Variants in ABCG2 observed in about 807,000 individuals in gnomAD.
ABCG2 encodes broad substrate specificity ATP-binding cassette transporter ABCG2.
ABCG2 carries 80 observed loss-of-function variants against 73.5 expected under a neutral mutation model. The observed-to-expected ratio is 1.09, with a 90% confidence interval of 0.91 to 1.31. The LOEUF (loss-of-function observed/expected upper bound fraction) is 1.31. ABCG2 is among the 50% of genes most tolerant of loss of function. ABCG2 has a pLI of 0.00. For missense variants in ABCG2, 796 were observed against 786.2 expected (o/e 1.01, Z -0.15); for synonymous variants, 269 against 282.4 (o/e 0.95, Z 0.48).
At chr4:88,182,937 T>C (rs1728314305) in intron 1 of ABCG2, among the ~76,000 whole-genome samples, 1 of 151,568 alleles carries the variant, frequency 6.6e-6, no homozygotes, top group Admixed American at 6.6e-5. Flanking sequence ...TACAAAAAAT[T>C]AGCTGGGCAT....
At chr4:88,134,010 AG>A (rs200576598) in intron 2 of ABCG2, among the ~76,000 whole-genome samples, 1,751 of 148,548 alleles carry the variant, frequency 0.012, 30 homozygotes, top group African/African-American at 0.036. Context: ...AAAAAAAAAA[AG>A]AAGAAGAAGA....
rs899734227 is a variant in ABCG2, at chr4:88,096,928, C to T, written c.1647+525G>A. Among the ~76,000 whole-genome samples, 11 of 152,092 alleles carry T rather than the reference C, an allele frequency of 7.2e-5. 1 individual carries two copies. Among genetic ancestry groups the T allele is most frequent in the Non-Finnish European group, 1.5e-4 (10 of 68,008 alleles). ...ATACTCTGTTCTGCTTCTTATGAGG[C>T]TTAATATGTGTCTTGGAAAACAGTA... On this transcript the variant is annotated intron_variant, in intron 13 of 15. Coordinates refer to ENST00000237612, the MANE Select transcript of ABCG2 (RefSeq NM_004827.3).
At chr4:88,223,940 T>G (rs925685877) in intron 1 of ABCG2, 3 of 152,156 alleles carry the variant, frequency 2.0e-5, no homozygotes, top group Admixed American at 1.3e-4. Flanking sequence ...TGGGTTGACC[T>G]GTATTTCCCT....
Position 88,091,850 on chromosome 4 carries a change from G to A in ABCG2, c.*384C>T, listed in dbSNP as rs992663134. ...ATTTATTAAATAATGGCAAACCATAGCATCATAAAGTATTAAGACTGAAGG... is the reference window on the plus strand; with the variant it reads ...ATTTATTAAATAATGGCAAACCATAACATCATAAAGTATTAAGACTGAAGG... On this transcript the variant is annotated 3_prime_UTR_variant, in exon 16 of 16. Transcript: ENST00000237612. The A allele has an allele frequency of 6.2e-6, 1 of 160,612 alleles. No individual in the cohort carries two copies. The highest frequency in any genetic ancestry group is 1.4e-5 in the Non-Finnish European group (1 of 73,430). 9.9% of individuals were successfully genotyped at this position (160,612 alleles called of 1,614,324 possible).
intron 1 of ABCG2, among the ~76,000 whole-genome samples, chr4:88,202,733 C>A (rs1279317003): frequency 1.3e-5 from 2 of 151,934 alleles, no homozygotes; most frequent in Non-Finnish European, 2.9e-5. Context: ...GTAGTACACA[C>A]CTGTAATCCT....
intron 1 of ABCG2, among the ~76,000 whole-genome samples, chr4:88,221,377 C>G (rs572269556): frequency 6.6e-6 from 1 of 152,274 alleles, no homozygotes; most frequent in Non-Finnish European, 1.5e-5. Context: ...GAGTGGGTTG[C>G]TGCTATAAGG....
At chr4:88,183,806 AT>A (rs932314163) in intron 1 of ABCG2, among the ~76,000 whole-genome samples, 19 of 152,162 alleles carry the variant, frequency 1.2e-4, no homozygotes, top group African/African-American at 4.1e-4. Context: ...TGATGAAAAA[AT>A]CCTTAACAAA....
At chr4:88,163,368 G>T (rs28393879), upstream of ABCG2, among the ~76,000 whole-genome samples, 961 of 152,268 alleles carry the variant, frequency 6.3e-3, 11 homozygotes, top group African/African-American at 0.022. Context: ...CTATCTTAGG[G>T]TTCAGAGAAA....
rs183040957 is a variant in ABCG2 at position 88,104,375 on chromosome 4, T to G, written c.1277+2809A>C. Among the ~76,000 whole-genome samples, 11 of 152,312 alleles carry G rather than the reference T, an allele frequency of 7.2e-5. No individual in the cohort carries two copies. In the East Asian group the frequency reaches 1.7e-3, roughly 24 times the overall value. ...CCTGAACAAAACTTTGAGAACCTGT[T>G]TCCAGAGATGATGCTGAAACATTTT... On this transcript the variant is annotated intron_variant, in intron 10 of 15. Coordinates refer to ENST00000237612, the MANE Select transcript of ABCG2 (RefSeq NM_004827.3).
chr4:88,180,081 G>T (rs1230962032), intron 1 of ABCG2, among the ~76,000 whole-genome samples: 1 of 151,736 alleles, frequency 6.6e-6, no homozygotes, highest in African/African-American at 2.4e-5. Context: ...AGTAAAAGGG[G>T]GTTACAGAAC....
intron 13 of ABCG2, 40 bp downstream of exon 13, chr4:88,097,413 A>G (rs2231157): frequency 0.44 from 701,083 of 1,594,046 alleles, 160,166 homozygotes; most frequent in Middle Eastern, 0.54. Flanking sequence ...ATGAAGGAAA[A>G]AAACAATTCC....
intron 2 of ABCG2, among the ~76,000 whole-genome samples, chr4:88,137,011 T>TAAATAAAATAAAATA (rs1293625233): frequency 1.7e-4 from 10 of 59,964 alleles, no homozygotes; most frequent in Non-Finnish European, 4.5e-4. Flanking sequence ...AACCTCCATC[T>TAAATAAAATAAAATA]CAATAAAATA....
intron 1 of ABCG2, among the ~76,000 whole-genome samples, chr4:88,211,357 T>TCCC (rs1560460419): frequency 2.6e-3 from 49 of 18,880 alleles, no homozygotes; most frequent in Non-Finnish European, 4.7e-3. Context: ...GTTCAACCCC[T>TCCC]GCCCCACCCC....
At chr4:88,097,266 G>A (rs1024804366) in intron 13 of ABCG2, among the ~76,000 whole-genome samples, 187 bp downstream of exon 13, 1 of 152,274 alleles carries the variant, frequency 6.6e-6, no homozygotes, top group East Asian at 1.9e-4. Flanking sequence ...AGCAAAAAAG[G>A]TTGGATAAGG....
chr4:88,137,723 G>A (rs969460774), intron 2 of ABCG2, among the ~76,000 whole-genome samples: 1 of 152,192 alleles, frequency 6.6e-6, no homozygotes, highest in African/African-American at 2.4e-5. Flanking sequence ...GAAGCACCAT[G>A]TGGACAGCCT....
At chr4:88,134,582 C>T (rs974902721) in intron 2 of ABCG2, among the ~76,000 whole-genome samples, 2 of 152,178 alleles carry the variant, frequency 1.3e-5, no homozygotes, top group Admixed American at 1.3e-4. Context: ...CCTCTAAAAT[C>T]ACCATAAGCT....
intron 1 of ABCG2, among the ~76,000 whole-genome samples, chr4:88,187,670 A>T (rs899339331): frequency 1.3e-5 from 2 of 152,208 alleles, no homozygotes; most frequent in Admixed American, 1.3e-4. Context: ...ATTTATCCTG[A>T]TGTGATTATT....
intron 5 of ABCG2, among the ~76,000 whole-genome samples, chr4:88,125,616 A>C (rs1724348667): frequency 6.8e-6 from 1 of 147,508 alleles, no homozygotes; most frequent in Non-Finnish European, 1.5e-5. Flanking sequence ...TCAAAAAAAA[A>C]AAAAAAAAAA....
rs186893092 is a variant in ABCG2 at position 88,211,030 on chromosome 4, C to T, written c.-20+19964G>A. On this transcript the variant is annotated intron_variant, in intron 1 of 15. Transcript: ENST00000515655. Reference sequence around the variant, plus strand: ...AACTCGAGGCTGTAGTGCCCTGTGACTGCACCAGGGATTAACCACTGCACT... The same window carrying T: ...AACTCGAGGCTGTAGTGCCCTGTGATTGCACCAGGGATTAACCACTGCACT... Among the ~76,000 whole-genome samples, 146 of 151,960 alleles carry T rather than the reference C, an allele frequency of 9.6e-4. 1 individual carries two copies. The highest frequency in any genetic ancestry group is 3.4e-3 in the Middle Eastern group (1 of 294).
Sources: gnomAD v4.1 joint callset for allele counts (sites outside exome capture counted in the v4.1 genomes callset) on GRCh38, gnomAD v4.1.1 for gene constraint, MANE v1.5 for transcripts, NCBI Gene and HGNC (gene_info 2026-07-23, HGNC 2026-07-21) for gene names.